Variants in PPP1R12C observed in about 807,000 individuals in gnomAD.
The protein encoded by PPP1R12C is protein phosphatase 1 regulatory subunit 12C, also known as leukocyte receptor cluster (LRC) encoded novel gene 3.
PPP1R12C carries 48 observed loss-of-function variants against 95.6 expected under a neutral mutation model. The ratio of observed to expected loss-of-function variants is 0.50; its 90% CI spans 0.40 to 0.64. The LOEUF (loss-of-function observed/expected upper bound fraction) is 0.64, where lower values mean the gene tolerates loss of function less well. Among genes scored for constraint, PPP1R12C ranks in the 30% least tolerant of loss-of-function variants. The pLI, the probability that PPP1R12C is intolerant of heterozygous loss-of-function variation, is 0.00. For synonymous variants in PPP1R12C, 480 were observed against 460.8 expected (o/e 1.04, Z -0.53); for missense variants, 1,057 against 1,083.3 (o/e 0.98, Z 0.34).
At chr19:55,108,936 C>A (rs1007892390) in intron 3 of PPP1R12C, among the ~76,000 whole-genome samples, 1 of 152,146 alleles carries the variant, frequency 6.6e-6, no homozygotes, top group Non-Finnish European at 1.5e-5. Flanking sequence ...AAACTCCCGA[C>A]CTCAGGTGAT....
At chr19:55,104,119 C>T (rs562337711) in intron 3 of PPP1R12C, among the ~76,000 whole-genome samples, 19 of 139,194 alleles carry the variant, frequency 1.4e-4, no homozygotes, top group African/African-American at 4.3e-4. Context: ...GCTGAGATCA[C>T]GCCACTGCAC....
Position 55,112,815 on chromosome 19 carries a change from G to A in PPP1R12C, c.322-20C>T, listed in dbSNP as rs762991164. 9.9e-6 allele frequency: 16 copies of A among 1,610,062 alleles called. No individual in the cohort carries two copies. The highest frequency in any genetic ancestry group is 1.6e-4 in the Middle Eastern group (1 of 6,076). The stretch of plus-strand genomic sequence containing the variant: ...GCAGGCCTGGGGGTGGGAAACAGCC[G>A]TCAGCCGCACCTACCCCAGCCACGG... On this transcript the variant is annotated intron_variant, in intron 1 of 21. Coordinates refer to ENST00000263433, the MANE Select transcript of PPP1R12C (RefSeq NM_017607.4).
Position 55,092,503 on chromosome 19 carries a change from T to G in PPP1R12C, c.1994A>C (p.Gln665Pro), listed in dbSNP as rs1474632005. 1 of 1,609,294 alleles carries G rather than the reference T, an allele frequency of 6.2e-7. No individual in the cohort carries two copies. The highest frequency in any genetic ancestry group is 8.5e-7 in the Non-Finnish European group (1 of 1,178,270). ...CTCAGGTTCTGGGTTGAGGTCCCGCTGCCACCGCTGCCTGCGGGCCGAGGG... is the reference window on the plus strand; with the variant it reads ...CTCAGGTTCTGGGTTGAGGTCCCGCGGCCACCGCTGCCTGCGGGCCGAGGG... ...GGPSARRQRW[Q>P]RDLNPEPEPE... The change falls in exon 18 of 22, where the codon CAG (glutamine) becomes CCG (proline). Residue 665 changes from glutamine (Q) to proline (P), a missense_variant. Physicochemically the swap from Gln to Pro is moderately conservative, Grantham distance 76 (BLOSUM62 -1). Around this residue, in one of 5 missense-constraint regions of PPP1R12C, gnomAD observed 347 missense variants for 307.9 expected, o/e 1.13. Coordinates refer to ENST00000263433, the MANE Select transcript of PPP1R12C (RefSeq NM_017607.4).
At chr19:55,111,806 C>T (rs561755042) in intron 3 of PPP1R12C, 3 of 152,422 alleles carry the variant, frequency 2.0e-5, no homozygotes, top group Admixed American at 2.0e-4. Flanking sequence ...CACCAGTGGT[C>T]CTGTTTTAGG....
intron 3 of PPP1R12C, among the ~76,000 whole-genome samples, chr19:55,104,199 T>TATATATATATATATATACACACAC (rs34075382): frequency 1.4e-4 from 17 of 120,034 alleles, no homozygotes; most frequent in African/African-American, 6.3e-4. Context: ...TATATATATA[T>TATATATATATATATATACACACAC]ACACACACAC....
chr19:55,095,817 C>A, intron 9 of PPP1R12C, 50 bp downstream of exon 9: 1 of 1,590,846 alleles, frequency 6.3e-7, no homozygotes, highest in Non-Finnish European at 8.6e-7. Flanking sequence ...TATGGAATCC[C>A]ACCTCCGGGC....
At chr19:55,112,899 C>G (rs971570636) in intron 1 of PPP1R12C, 104 bp from the exon 2 acceptor site, 2 of 1,476,322 alleles carry the variant, frequency 1.4e-6, no homozygotes, top group African/African-American at 2.8e-5. Flanking sequence ...GGACACGGTG[C>G]TAGGACAGTG....
At chr19:55,100,334 C>T (rs1485130942) in intron 4 of PPP1R12C, among the ~76,000 whole-genome samples, 1 of 152,218 alleles carries the variant, frequency 6.6e-6, no homozygotes, top group African/African-American at 2.4e-5. Context: ...GTTCTCACAA[C>T]CAGGGATGCT....
At chr19:55,108,000 A>G (rs2085057101) in intron 3 of PPP1R12C, among the ~76,000 whole-genome samples, 1 of 139,788 alleles carries the variant, frequency 7.2e-6, no homozygotes, top group South Asian at 2.2e-4. Flanking sequence ...CAGTGGTGAG[A>G]TCTCGGCTCA....
chr19:55,099,952 C>T (rs1457771724), intron 4 of PPP1R12C, among the ~76,000 whole-genome samples: 8 of 152,326 alleles, frequency 5.3e-5, no homozygotes, highest in African/African-American at 1.4e-4. Context: ...GGATATTCTA[C>T]AAAGAGGCCT....
chr19:55,092,932 G>A (rs548530661), intron 15 of PPP1R12C, 64 bp from the exon 16 acceptor site: 5 of 1,584,578 alleles, frequency 3.2e-6, no homozygotes, highest in Middle Eastern at 1.7e-4. Context: ...CTGGGTCCCC[G>A]GGTCAAGCCC....
In PPP1R12C at chr19:55,113,509, A is replaced by G. The variant is rs770583477; in HGVS notation, c.322-714T>C. The stretch of plus-strand genomic sequence containing the variant: ...TTCTCATTCTTCCCTTAGGGGTCCA[A>G]AACTTGGGGGGACAAAAGCCGAAGT... On this transcript the variant is annotated intron_variant, in intron 1 of 21. Coordinates refer to ENST00000263433, the MANE Select transcript of PPP1R12C (RefSeq NM_017607.4). 1.4e-5 allele frequency: 19 copies of G among 1,406,828 alleles called. No individual in the cohort carries two copies. The South Asian group carries it at 2.2e-4, about 16-fold the overall frequency. 87.1% of individuals were successfully genotyped at this position (1,406,828 alleles called of 1,614,324 possible).
chr19:55,104,308 T>C (rs1040131571), intron 3 of PPP1R12C, among the ~76,000 whole-genome samples: 1 of 148,718 alleles, frequency 6.7e-6, no homozygotes, highest in Non-Finnish European at 1.5e-5. Context: ...TATATACACA[T>C]TTCCTATATA....
chr19:55,097,809 C>A (rs1305157915), intron 6 of PPP1R12C, among the ~76,000 whole-genome samples: 1 of 152,138 alleles, frequency 6.6e-6, no homozygotes, highest in Non-Finnish European at 1.5e-5. Flanking sequence ...AGGCTGGTCT[C>A]CCCCCATATC....
chr19:55,095,474 A>G lies in PPP1R12C; in HGVS notation c.1357T>C (p.Ser453Pro). 1 of 1,564,098 alleles carries G rather than the reference A, an allele frequency of 6.4e-7. No individual in the cohort carries two copies. Among genetic ancestry groups the G allele is most frequent in the Non-Finnish European group, 8.7e-7 (1 of 1,154,528 alleles). Residue 453 changes from serine (S) to proline (P), a missense_variant, in exon 10 of 22, where the codon TCC becomes CCC. By Grantham distance (74) the Ser-to-Pro change is moderately conservative. Around this residue, in one of 5 missense-constraint regions of PPP1R12C, gnomAD observed 356 missense variants for 330.5 expected, o/e 1.08. Transcript: ENST00000263433. The stretch of plus-strand genomic sequence containing the variant: ...GTGGAGGTCCCTTCCAGCCAGGAGG[A>G]GGAAGCCGAGCGCTGCAGCCCAGCC... ...PGAGLQRSAS[S>P]SWLEGTSTQA...
At chr19:55,095,756 T>C (rs2084903970) in intron 9 of PPP1R12C, 111 bp downstream of exon 9, 3 of 1,524,058 alleles carry the variant, frequency 2.0e-6, no homozygotes, top group Non-Finnish European at 2.7e-6. Flanking sequence ...AGGACGACTC[T>C]GGGAACTATA....
chr19:55,101,524 T>C (rs548351471), intron 4 of PPP1R12C, among the ~76,000 whole-genome samples: 51 of 152,222 alleles, frequency 3.4e-4, no homozygotes, highest in Non-Finnish European at 5.9e-4. Flanking sequence ...TGGCGTTAAG[T>C]GGTGCCGCTT....
intron 20 of PPP1R12C, 48 bp from the exon 21 acceptor site, chr19:55,091,748 C>T (rs199546971): frequency 1.2e-6 from 2 of 1,613,074 alleles, no homozygotes; most frequent in Middle Eastern, 1.7e-4. Context: ...CTGAGGAGGG[C>T]AGGGGAAGGC....
At position 55,096,112 on chromosome 19, in the gene PPP1R12C, C is replaced by T; in HGVS notation, c.1092G>A (p.Arg364=). ...TGGGGGGCCCCCCAGCCCCACCAGG[C>T]CGGCGCTCCTTGGACAAGTCCTGGA... is the stretch of plus-strand genomic sequence containing the variant. ...ISLQDLSKER[R]PGGAGGPPIQ... The change falls in exon 8 of 22, where the codon CGG becomes CGA. Residue 364 remains arginine (R), a synonymous_variant. Transcript: ENST00000263433. The T allele has an allele frequency of 6.3e-7, 1 of 1,598,972 alleles. No homozygotes were observed. Among genetic ancestry groups the T allele is most frequent in the Non-Finnish European group, 8.5e-7 (1 of 1,174,152 alleles).
Sources: allele counts gnomAD v4.1 joint callset (sites outside exome capture counted in the v4.1 genomes callset), GRCh38; gene constraint gnomAD v4.1.1; regional missense constraint gnomAD v4.1.1; transcripts MANE v1.5; gene names NCBI Gene and HGNC (gene_info 2026-07-23, HGNC 2026-07-21).